The following SMG6 variants were observed in gnomAD, a reference collection of about 807,000 sequenced individuals.
SMG6 encodes SMG6 nonsense mediated mRNA decay factor.
SMG6 carries 66 observed loss-of-function variants against 142.2 expected under a neutral mutation model. The observed-to-expected ratio is 0.46, with a 90% confidence interval of 0.38 to 0.57. SMG6 has a LOEUF of 0.57. Ranked by LOEUF, SMG6 falls within the 20% of genes least tolerant of loss-of-function variation. The pLI is 0.00. For synonymous variants in SMG6, 779 were observed against 702.4 expected (o/e 1.11, Z -1.72); for missense variants, 1,793 against 1,832.0 (o/e 0.98, Z 0.39).
At chr17:2,277,132 CATTTATTTATTT>C (rs3054906) in intron 8 of SMG6, among the ~76,000 whole-genome samples, 24 of 133,834 alleles carry the variant, frequency 1.8e-4, no homozygotes, top group South Asian at 1.2e-3. Context: ...AGTATTTACA[CATTTATTTATTT>C]ATTTATTTAT....
intron 13 of SMG6, among the ~76,000 whole-genome samples, chr17:2,115,843 T>C (rs2069488502): frequency 1.3e-5 from 2 of 152,170 alleles, no homozygotes; most frequent in Admixed American, 6.5e-5. Flanking sequence ...CCTGCTTCAG[T>C]AGCTAAGCGT....
chr17:2,222,079 G>A (rs1349655151), intron 10 of SMG6, among the ~76,000 whole-genome samples: 3 of 152,182 alleles, frequency 2.0e-5, no homozygotes, highest in Non-Finnish European at 4.4e-5. Flanking sequence ...CATGTTTACT[G>A]AGAAGTTACA....
At chr17:2,167,186 A>C (rs552113833) in intron 13 of SMG6, among the ~76,000 whole-genome samples, 1 of 150,036 alleles carries the variant, frequency 6.7e-6, no homozygotes, top group African/African-American at 2.4e-5. Flanking sequence ...AAAGGCAGGC[A>C]AAAAAAATAA....
intron 17 of SMG6, 94 bp downstream of exon 17, chr17:2,065,374 G>A: frequency 7.6e-7 from 1 of 1,310,546 alleles, no homozygotes; most frequent in Non-Finnish European, 1.1e-6. Flanking sequence ...GCCCTCAGCT[G>A]CCCAGGCTGA....
At chr17:2,230,245 G>T (rs1321963487) in intron 10 of SMG6, among the ~76,000 whole-genome samples, 1 of 87,624 alleles carries the variant, frequency 1.1e-5, no homozygotes, top group Admixed American at 1.4e-4. Context: ...AAAGAAAAGT[G>T]TCCTGCTGCC....
intron 13 of SMG6, among the ~76,000 whole-genome samples, chr17:2,146,202 C>A (rs2070663503): frequency 6.6e-6 from 1 of 152,176 alleles, no homozygotes; most frequent in Non-Finnish European, 1.5e-5. Context: ...TGGTGTCTGG[C>A]ACATGCTAAG....
At chr17:2,125,868 G>A (rs1018388503) in intron 13 of SMG6, among the ~76,000 whole-genome samples, 6 of 148,026 alleles carry the variant, frequency 4.1e-5, no homozygotes, top group East Asian at 2.0e-4. Context: ...CACAAGAATC[G>A]CTTGAACCTG....
At chr17:2,066,240 C>A (rs1216061809) in intron 16 of SMG6, among the ~76,000 whole-genome samples, 1 of 152,096 alleles carries the variant, frequency 6.6e-6, no homozygotes, top group African/African-American at 2.4e-5. Flanking sequence ...TTCTCTGATA[C>A]TGCACGTGTG....
intron 15 of SMG6, among the ~76,000 whole-genome samples, chr17:2,079,281 C>T (rs528863658): frequency 1.3e-5 from 2 of 152,214 alleles, no homozygotes; most frequent in South Asian, 2.1e-4. Context: ...TGACTTTTGA[C>T]GCAACAGTTT....
chr17:2,251,540 TTAAGTG>T (rs2074046318), intron 8 of SMG6, among the ~76,000 whole-genome samples: 1 of 152,186 alleles, frequency 6.6e-6, no homozygotes, highest in African/African-American at 2.4e-5. Context: ...ACATGTGAAT[TTAAGTG>T]TAAAATGTGC....
intron 9 of SMG6, 89 bp from the exon 10 acceptor site, chr17:2,236,726 C>A (rs1173729506): frequency 8.2e-6 from 11 of 1,344,802 alleles, no homozygotes; most frequent in Non-Finnish European, 1.1e-5. Flanking sequence ...CACACACACA[C>A]ACACACACAC....
chr17:2,070,498 G>A (rs147504044), intron 15 of SMG6, among the ~76,000 whole-genome samples: 91 of 152,356 alleles, frequency 6.0e-4, no homozygotes, highest in African/African-American at 2.0e-3. Flanking sequence ...CGTGCCAACC[G>A]AGATGGGGCC....
chr17:2,302,326 G>A (rs1030037336), intron 1 of SMG6, among the ~76,000 whole-genome samples: 2 of 152,128 alleles, frequency 1.3e-5, no homozygotes, highest in Non-Finnish European at 2.9e-5. Flanking sequence ...GGCGGATCAC[G>A]AGGACAGGAG....
At chr17:2,210,891 G>A (rs374307000) in intron 10 of SMG6, among the ~76,000 whole-genome samples, 1 of 151,816 alleles carries the variant, frequency 6.6e-6, no homozygotes, top group African/African-American at 2.4e-5. Context: ...TTTACACCTA[G>A]GTAAGCCAAG....
At chr17:2,167,023 G>A (rs2071359185) in intron 13 of SMG6, among the ~76,000 whole-genome samples, 1 of 151,756 alleles carries the variant, frequency 6.6e-6, no homozygotes. Context: ...CCAGCTACGC[G>A]GGGGGCTGAG....
In SMG6 at chr17:2,061,632, T is replaced by C. The variant is rs951841523; in HGVS notation, c.4130-10A>G. ...AGCCGGATTGGCTCCTCTGTGGGCA[T>C]GAGAGAGCAGAAGGCTGTCACTGAG... On this transcript the variant is annotated splice_polypyrimidine_tract_variant and intron_variant, in intron 18 of 18. Transcript: ENST00000263073. 19 of 1,567,476 alleles carry C rather than the reference T, an allele frequency of 1.2e-5. No homozygotes were observed. The highest frequency in any genetic ancestry group is 9.5e-5 in the East Asian group (4 of 42,026).
At chr17:2,291,167 T>C (rs2151392801) in intron 6 of SMG6, among the ~76,000 whole-genome samples, 1 of 152,102 alleles carries the variant, frequency 6.6e-6, no homozygotes, top group Admixed American at 6.5e-5. Flanking sequence ...CCGTCTCTAC[T>C]AAAAATATAA....
chr17:2,080,106 AAAC>A (rs1341753836), intron 15 of SMG6, among the ~76,000 whole-genome samples: 2 of 146,178 alleles, frequency 1.4e-5, no homozygotes, highest in Non-Finnish European at 3.0e-5. Flanking sequence ...AAACAAAACA[AAAC>A]AAAACAAAAC....
intron 1 of SMG6, 50 bp downstream of exon 1, chr17:2,303,571 AGGAGGAGGAGAG>A (rs1403474408): frequency 7.4e-7 from 1 of 1,355,528 alleles, no homozygotes; most frequent in Non-Finnish European, 9.5e-7. Flanking sequence ...GAGGAGGCAG[AGGAGGAGGAGAG>A]GGAGGCGGGG....
Sources: gnomAD v4.1 joint callset for allele counts (sites outside exome capture counted in the v4.1 genomes callset) on GRCh38, gnomAD v4.1.1 for gene constraint, MANE v1.5 for transcripts, NCBI Gene and HGNC (gene_info 2026-07-23, HGNC 2026-07-21) for gene names.